Variants in SPRED2 observed in about 807,000 individuals in gnomAD.
SPRED2 encodes sprouty-related, EVH1 domain-containing protein 2.
A neutral mutation model predicts 43.0 loss-of-function variants in SPRED2; 47 were observed. The ratio of observed to expected loss-of-function variants is 1.09; its 90% CI spans 0.87 to 1.40. The LOEUF (loss-of-function observed/expected upper bound fraction) is 1.40, where lower values mean the gene tolerates loss of function less well. Among genes scored for constraint, SPRED2 ranks in the 40% most tolerant of loss-of-function variants. The pLI, the probability that SPRED2 is intolerant of heterozygous loss-of-function variation, is 0.00. For synonymous variants in SPRED2, 225 were observed against 225.7 expected, an observed-to-expected ratio of 1.00 and a Z score of 0.03; for missense variants, 561 against 586.4, an observed-to-expected ratio of 0.96 and a Z score of 0.45.
intron 1 of SPRED2, among the ~76,000 whole-genome samples, chr2:65,405,185 C>T (rs77146813): frequency 1.5e-3 from 229 of 152,360 alleles, no homozygotes; most frequent in Middle Eastern, 0.01. Flanking sequence ...CACTACCCTA[C>T]GTCTCATGAC....
chr2:65,395,775 A>T (rs1675745065), intron 1 of SPRED2, among the ~76,000 whole-genome samples: 1 of 152,106 alleles, frequency 6.6e-6, no homozygotes, highest in Non-Finnish European at 1.5e-5. Flanking sequence ...TCAAATATCA[A>T]ATATTTTTGC....
chr2:65,307,193 TTTTA>T (rs1016058151), downstream of SPRED2, among the ~76,000 whole-genome samples: 1 of 152,030 alleles, frequency 6.6e-6, no homozygotes, highest in Non-Finnish European at 1.5e-5. Context: ...TTATATGACA[TTTTA>T]TTTATTTATT....
chr2:65,340,746 G>A (rs935414992), intron 2 of SPRED2, among the ~76,000 whole-genome samples: 6 of 152,178 alleles, frequency 3.9e-5, no homozygotes, highest in African/African-American at 1.4e-4. Flanking sequence ...CTCCCACAAT[G>A]TGCTGAATTC....
At chr2:65,354,600 ATT>A (rs1386768925) in intron 1 of SPRED2, among the ~76,000 whole-genome samples, 1 of 151,636 alleles carries the variant, frequency 6.6e-6, no homozygotes, top group Non-Finnish European at 1.5e-5. Flanking sequence ...ATCAATACTT[ATT>A]TAATCTATCA....
intron 1 of SPRED2, among the ~76,000 whole-genome samples, chr2:65,358,723 G>GA (rs1372341066): frequency 6.6e-6 from 1 of 152,198 alleles, no homozygotes; most frequent in African/African-American, 2.4e-5. Flanking sequence ...CTTCCCTACA[G>GA]AAAAAACATA....
chr2:65,343,779 A>C (rs936088279), intron 2 of SPRED2, among the ~76,000 whole-genome samples: 5 of 152,214 alleles, frequency 3.3e-5, no homozygotes, highest in African/African-American at 1.2e-4. Flanking sequence ...ATATATTATG[A>C]AGTGTCAATC....
At chr2:65,373,952 G>T (rs1479415052) in intron 1 of SPRED2, 1 of 152,128 alleles carries the variant, frequency 6.6e-6, no homozygotes, top group Non-Finnish European at 1.5e-5. Context: ...AGAAAATTTA[G>T]CAAATGCAAA....
chr2:65,401,666 C>T (rs958912556), intron 1 of SPRED2, among the ~76,000 whole-genome samples: 3 of 151,572 alleles, frequency 2.0e-5, no homozygotes, highest in Admixed American at 6.6e-5. Flanking sequence ...GGCATGGTGG[C>T]GGGCGCGCCT....
At chr2:65,406,076 G>A (rs990072649) in intron 1 of SPRED2, among the ~76,000 whole-genome samples, 1 of 152,162 alleles carries the variant, frequency 6.6e-6, no homozygotes, top group Admixed American at 6.5e-5. Context: ...CCAGGCCTCA[G>A]AGTCCTCATC....
intron 4 of SPRED2, 70 bp from the exon 5 acceptor site, chr2:65,316,953 C>A: frequency 6.7e-7 from 1 of 1,498,200 alleles, no homozygotes; most frequent in Non-Finnish European, 9.2e-7. Context: ...CAAACCCTGA[C>A]ATGCACTATT....
downstream of SPRED2, among the ~76,000 whole-genome samples, chr2:65,307,320 T>C (rs1672961958): frequency 1.3e-5 from 2 of 152,138 alleles, no homozygotes; most frequent in Non-Finnish European, 2.9e-5. Flanking sequence ...CTCAGCTTCC[T>C]GAGTAGTTGC....
At chr2:65,393,812 T>C (rs1316813366) in intron 1 of SPRED2, among the ~76,000 whole-genome samples, 2 of 152,170 alleles carry the variant, frequency 1.3e-5, no homozygotes, top group Admixed American at 6.6e-5. Context: ...ATTCATTTAT[T>C]CATTCATTCA....
chr2:65,401,937 G>GCGCGCACGCGCA (rs776512353), intron 1 of SPRED2, among the ~76,000 whole-genome samples: 3 of 114,714 alleles, frequency 2.6e-5, no homozygotes, highest in African/African-American at 1.0e-4. Flanking sequence ...GCGCGCGCGC[G>GCGCGCACGCGCA]CACACACACA....
intron 3 of SPRED2, chr2:65,332,391 T>C (rs944665718): frequency 5.4e-6 from 1 of 186,696 alleles, no homozygotes; most frequent in Non-Finnish European, 1.1e-5. Flanking sequence ...GCCCAGCCTC[T>C]GTAGTGACCT....
At chr2:65,404,996 T>G (rs1020975318) in intron 1 of SPRED2, among the ~76,000 whole-genome samples, 3 of 152,240 alleles carry the variant, frequency 2.0e-5, no homozygotes, top group Admixed American at 1.3e-4. Flanking sequence ...GCAAGGTGTT[T>G]TTCTTCTGTC....
chr2:65,367,551 C>G (rs1202285113), intron 1 of SPRED2, among the ~76,000 whole-genome samples: 3 of 152,048 alleles, frequency 2.0e-5, no homozygotes, highest in African/African-American at 7.3e-5. Context: ...ATAGAGCTAC[C>G]ACACATGTGA....
intron 1 of SPRED2, among the ~76,000 whole-genome samples, chr2:65,415,035 T>G (rs1233181326): frequency 6.6e-6 from 1 of 152,160 alleles, no homozygotes; most frequent in Non-Finnish European, 1.5e-5. Flanking sequence ...TGTTCTCCTG[T>G]CTTAGCTTCC....
chr2:65,429,149 A>G (rs1487775338), intron 1 of SPRED2, among the ~76,000 whole-genome samples: 1 of 152,170 alleles, frequency 6.6e-6, no homozygotes, highest in East Asian at 1.9e-4. Context: ...ACAAAACATT[A>G]TTTTTTTAAA....
chr2:65,377,437 C>A (rs1051255499), intron 1 of SPRED2, among the ~76,000 whole-genome samples: 1 of 152,216 alleles, frequency 6.6e-6, no homozygotes, highest in Non-Finnish European at 1.5e-5. Flanking sequence ...ATTTAGGCTG[C>A]CCATTCTCCA....
Sources: allele counts gnomAD v4.1 joint callset (sites outside exome capture counted in the v4.1 genomes callset), GRCh38; gene constraint gnomAD v4.1.1; transcripts MANE v1.5; gene names NCBI Gene and HGNC (gene_info 2026-07-23, HGNC 2026-07-21).